Variants in DLX5 observed in about 807,000 individuals in gnomAD.
DLX5 encodes homeobox protein DLX-5.
Under a neutral mutation model 27.1 loss-of-function variants are expected in DLX5, and 8 were observed. The observed-to-expected ratio is 0.30, with a 90% confidence interval of 0.17 to 0.53. The LOEUF (loss-of-function observed/expected upper bound fraction) is 0.53. Among genes scored for constraint, DLX5 ranks in the 20% least tolerant of loss-of-function variants. The probability of loss-of-function intolerance (pLI) is 0.95; values close to 1 mark genes in which losing one functional copy is unlikely to be tolerated. For synonymous variants in DLX5, 178 were observed against 161.9 expected (o/e 1.10, Z -0.75); for missense variants, 339 against 375.1 (o/e 0.90, Z 0.80).
At chr7:97,022,091 G>C in intron 2 of DLX5, 94 bp downstream of exon 2, 4 of 1,481,458 alleles carry the variant, frequency 2.7e-6, no homozygotes, top group Non-Finnish European at 3.7e-6. Flanking sequence ...CACGGGTACT[G>C]TCAAAACAGC....
rs767009962 is a variant in DLX5 at position 97,024,288 on chromosome 7, T to G, written c.336A>C (p.Pro112=). Residue 112 remains proline (P), a synonymous_variant, in exon 1 of 3, where the codon CCA becomes CCC. Coordinates refer to ENST00000648378, the MANE Select transcript of DLX5 (RefSeq NM_005221.6). The surrounding 1 kb of genome is among the most constrained non-coding windows in gnomAD (Gnocchi z 4.6). ...ATGTACCTGGCTGGTTGGTGGCGCTTGGGACGCGGTTGTAGGCGCCGCCGT... is the reference window on the plus strand; with the variant it reads ...ATGTACCTGGCTGGTTGGTGGCGCTGGGGACGCGGTTGTAGGCGCCGCCGT... The part of the protein sequence containing the change: ...HQYGGAYNRV[P]SATNQPEKEV... The G allele has an allele frequency of 1.2e-6, 2 of 1,613,530 alleles. No individual in the cohort carries two copies. Among genetic ancestry groups the G allele is most frequent in the Non-Finnish European group, 1.7e-6 (2 of 1,179,542 alleles).
At chr7:97,022,068 T>C in intron 2 of DLX5, 117 bp downstream of exon 2, 1 of 1,223,576 alleles carries the variant, frequency 8.2e-7, no homozygotes, top group Non-Finnish European at 1.2e-6. Flanking sequence ...TGTCTTTGGG[T>C]CTGTTAGTTT....
At chr7:97,023,956 T>C (rs1790130395) in intron 1 of DLX5, among the ~76,000 whole-genome samples, 1 of 152,056 alleles carries the variant, frequency 6.6e-6, no homozygotes, top group African/African-American at 2.4e-5. Context: ...TTCTTTCTTC[T>C]CTCCACCCCT....
chr7:97,020,903 G>T lies in DLX5; in HGVS notation c.703C>A (p.His235Asn). The change falls in exon 3 of 3, where the codon CAC becomes AAC. Residue 235 changes from histidine to asparagine, a missense_variant. His to Asn is a moderately conservative substitution (Grantham distance 68, BLOSUM62 1). Transcript: ENST00000648378. ...GTCGGAGGGTGGGCATGAGGGTGGT[G>T]GCTGAGCGAGCGGGACGAGCCCTGG... Reference protein sequence around the residue: ...EPQGSSRSLSHHPHAHPPTSN... With the variant: ...EPQGSSRSLSNHPHAHPPTSN... The T allele has an allele frequency of 6.2e-7, 1 of 1,614,190 alleles. No homozygotes were observed. Among genetic ancestry groups the T allele is most frequent in the African/African-American group, 1.3e-5 (1 of 75,080 alleles).
Position 97,024,357 on chromosome 7 carries a change from G to A in DLX5, c.267C>T (p.Ala89=). The A allele has an allele frequency of 6.2e-7, 1 of 1,614,252 alleles. No individual in the cohort carries two copies. The highest frequency in any genetic ancestry group is 8.5e-7 in the Non-Finnish European group (1 of 1,180,050). Residue 89 remains alanine (A), a synonymous_variant, in exon 1 of 3, where the codon GCC becomes GCT. Coordinates refer to ENST00000648378, the MANE Select transcript of DLX5 (RefSeq NM_005221.6). This position sits in a 1 kb window ranked among gnomAD's most constrained non-coding sequence, Gnocchi z 4.6. ...GVNGSAGSYP[A]KAYADYSYAS... ...CGTAGCTATAGTCGGCATAAGCTTT[G>A]GCTGGGTAGCTCCCGGCGGAGCCGT...
chr7:97,021,994 C>A, intron 2 of DLX5, 191 bp downstream of exon 2: 1 of 680,292 alleles, frequency 1.5e-6, no homozygotes, highest in Non-Finnish European at 2.5e-6. Flanking sequence ...ATCTCCAGAC[C>A]GCTGATGAAT....
Position 97,022,221 on chromosome 7 carries a change from G to C in DLX5, c.504C>G (p.Ala168=). 1 of 1,614,228 alleles carries C rather than the reference G, an allele frequency of 6.2e-7. No individual in the cohort carries two copies. Among genetic ancestry groups the C allele is most frequent in the South Asian group, 1.1e-5 (1 of 91,088 alleles). The part of the protein sequence containing the change: ...KTQYLALPER[A]ELAASLGLTQ... ...TCAATCCCAGCGAGGCGGCCAGCTC[G>C]GCGCGTTCCGGCAAGGCGAGGTACT... Residue 168 remains alanine, a synonymous_variant, in exon 2 of 3, where the codon GCC becomes GCG. Coordinates refer to ENST00000648378, the MANE Select transcript of DLX5 (RefSeq NM_005221.6).
chr7:97,024,142 C>T lies in DLX5; in HGVS notation c.355+127G>A, dbSNP rs780521417. On this transcript the variant is annotated intron_variant, in intron 1 of 2. Transcript: ENST00000648378. The surrounding 1 kb of genome is among the most constrained non-coding windows in gnomAD (Gnocchi z 4.6). ...CTCTCTTTGTTGGAGGGTCTGAGTCCTACTCCCTTCTGCCGCGTGCGCCCC... is the reference window on the plus strand; with the variant it reads ...CTCTCTTTGTTGGAGGGTCTGAGTCTTACTCCCTTCTGCCGCGTGCGCCCC... 2.4e-4 allele frequency: 198 copies of T among 837,730 alleles called. 1 individual carries two copies. Among genetic ancestry groups the T allele is most frequent in the Non-Finnish European group, 3.4e-4 (187 of 548,074 alleles). 51.9% of individuals were successfully genotyped at this position (837,730 alleles called of 1,614,324 possible). A position where few individuals can be genotyped will look rare whatever the true frequency, so the allele number is the denominator to read the frequency against.
intron 1 of DLX5, 118 bp from the exon 2 acceptor site, chr7:97,022,487 TCAC>T (rs1790091073): frequency 1.3e-6 from 2 of 1,522,760 alleles, no homozygotes; most frequent in Admixed American, 4.0e-5. Flanking sequence ...TTTGCCCATA[TCAC>T]CACCACCTTT....
chr7:97,023,798 C>T (rs1375032000), intron 1 of DLX5, among the ~76,000 whole-genome samples: 1 of 150,686 alleles, frequency 6.6e-6, no homozygotes, highest in Non-Finnish European at 1.5e-5. Context: ...TCAGGGCACC[C>T]GCACCGTGCT....
Position 97,024,690 on chromosome 7 carries a change from G to A in DLX5, c.-67C>T, listed in dbSNP as rs1790146037. ...GGCGGCAGCTGCCCTAGTTGGCTGTGGGGCTGCTCTGGTCTAAGCAGACAT... is the reference window on the plus strand; with the variant it reads ...GGCGGCAGCTGCCCTAGTTGGCTGTAGGGCTGCTCTGGTCTAAGCAGACAT... On this transcript the variant is annotated 5_prime_UTR_variant, in exon 1 of 3. Transcript: ENST00000648378. The surrounding 1 kb of genome is among the most constrained non-coding windows in gnomAD (Gnocchi z 4.6). 1.4e-5 allele frequency: 19 copies of A among 1,379,302 alleles called. No homozygotes were observed. Among genetic ancestry groups the A allele is most frequent in the Non-Finnish European group, 1.9e-5 (19 of 997,744 alleles). 85.4% of individuals were successfully genotyped at this position (1,379,302 alleles called of 1,614,324 possible). A position where few individuals can be genotyped will look rare whatever the true frequency, so the allele number is the denominator to read the frequency against.
chr7:97,021,446 C>T (rs140462412), intron 2 of DLX5, among the ~76,000 whole-genome samples: 1 of 152,210 alleles, frequency 6.6e-6, no homozygotes, highest in East Asian at 1.9e-4. Flanking sequence ...ATCGCGCGAG[C>T]CCGGCGGGGA....
rs1288455816 is a variant in DLX5, at chr7:97,024,645, G to T, written c.-22C>A. 11 of 1,564,720 alleles carry T rather than the reference G, an allele frequency of 7.0e-6. No individual in the cohort carries two copies. The highest frequency in any genetic ancestry group is 1.4e-5 in the African/African-American group (1 of 73,972). On this transcript the variant is annotated 5_prime_UTR_variant, in exon 1 of 3. Transcript: ENST00000648378. This position sits in a 1 kb window ranked among gnomAD's most constrained non-coding sequence, Gnocchi z 4.6. The stretch of plus-strand genomic sequence containing the variant: ...TCATCGCTCACGGGCGGCGGCAGCG[G>T]CTGTCCTTGCTGTTGTGGCGGCGGC...
intron 1 of DLX5, among the ~76,000 whole-genome samples, chr7:97,023,038 AAAAAAG>A (rs1158194232): frequency 6.6e-6 from 1 of 151,802 alleles, no homozygotes; most frequent in East Asian, 1.9e-4. Flanking sequence ...AAAAAAAAAA[AAAAAAG>A]AAATCTTCCA....
At chr7:97,022,143 T>C in intron 2 of DLX5, 42 bp downstream of exon 2, 1 of 1,612,362 alleles carries the variant, frequency 6.2e-7, no homozygotes, top group Non-Finnish European at 8.5e-7. Context: ...CAACCAGACG[T>C]GCAGCTCAGG....
Position 97,024,175 on chromosome 7 carries a change from G to T in DLX5, c.355+94C>A. The T allele has an allele frequency of 7.9e-7, 1 of 1,257,936 alleles. No homozygotes were observed. The highest frequency in any genetic ancestry group is 1.5e-5 in the African/African-American group (1 of 66,702). The allele number at this position is 1,257,936 out of a possible 1,614,324, so 77.9% of individuals were successfully genotyped here. ...TTCTGCCGCGTGCGCCCCCACTGCCGTGAACCGCTGTGACCCCCAATCTAC... is the reference window on the plus strand; with the variant it reads ...TTCTGCCGCGTGCGCCCCCACTGCCTTGAACCGCTGTGACCCCCAATCTAC... On this transcript the variant is annotated intron_variant, in intron 1 of 2. Transcript: ENST00000648378. The surrounding 1 kb of genome is among the most constrained non-coding windows in gnomAD (Gnocchi z 4.6).
intron 1 of DLX5, among the ~76,000 whole-genome samples, chr7:97,023,663 CA>C (rs1790124043): frequency 6.6e-6 from 1 of 152,100 alleles, no homozygotes; most frequent in Admixed American, 6.5e-5. Context: ...GACCCCTCAG[CA>C]ACCCTCCTCC....
At chr7:97,022,879 A>G (rs1382517066) in intron 1 of DLX5, among the ~76,000 whole-genome samples, 1 of 152,200 alleles carries the variant, frequency 6.6e-6, no homozygotes, top group Non-Finnish European at 1.5e-5. Context: ...ACCCACAAGC[A>G]AACTGCTCCT....
chr7:97,023,182 CG>C (rs1178014094), intron 1 of DLX5, among the ~76,000 whole-genome samples: 6 of 146,716 alleles, frequency 4.1e-5, no homozygotes, highest in African/African-American at 1.5e-4. Context: ...AGGAAAGGGG[CG>C]GCAGGTCAGG....
Sources: gnomAD v4.1 joint callset for allele counts (sites outside exome capture counted in the v4.1 genomes callset) on GRCh38, gnomAD v4.1.1 for gene constraint, Gnocchi (gnomAD v3.1) non-coding constraint, MANE v1.5 for transcripts, NCBI Gene and HGNC (gene_info 2026-07-23, HGNC 2026-07-21) for gene names.